KREMEN1: variants seen among roughly 807,000 people sequenced by gnomAD.
KREMEN1 encodes the protein kremen protein 1.
A neutral mutation model predicts 46.5 loss-of-function variants in KREMEN1; 30 were observed. That is an observed-to-expected ratio of 0.65 (90% confidence interval 0.48 to 0.88). KREMEN1 has a LOEUF of 0.88. KREMEN1 is among the 40% of genes least tolerant of loss of function. The pLI, the probability that KREMEN1 is intolerant of heterozygous loss-of-function variation, is 0.00. For synonymous variants in KREMEN1, 214 were observed against 230.6 expected, an observed-to-expected ratio of 0.93 and a Z score of 0.65; for missense variants, 533 against 596.9, an observed-to-expected ratio of 0.89 and a Z score of 1.11.
At chr22:29,138,587 T>C (rs1220351594) in intron 6 of KREMEN1, 37 bp from the exon 7 acceptor site, 1 of 1,590,738 alleles carries the variant, frequency 6.3e-7, no homozygotes, top group Non-Finnish European at 8.6e-7. Flanking sequence ...GTTGTCTCCA[T>C]AGCCCTGTCC....
At chr22:29,126,592 A>G (rs1229005523) in intron 5 of KREMEN1, among the ~76,000 whole-genome samples, 1 of 152,072 alleles carries the variant, frequency 6.6e-6, no homozygotes, top group Non-Finnish European at 1.5e-5. Context: ...CCTCATCTTA[A>G]CTCGGTTACA....
At chr22:29,108,772 A>G (rs1235986266) in intron 3 of KREMEN1, among the ~76,000 whole-genome samples, 1 of 152,180 alleles carries the variant, frequency 6.6e-6, no homozygotes, top group Admixed American at 6.5e-5. Context: ...GAACTCGGTG[A>G]ACACAAGAGG....
chr22:29,159,655 C>T (rs5752873), intron 9 of KREMEN1, among the ~76,000 whole-genome samples: 4 of 4,696 alleles, frequency 8.5e-4, no homozygotes, highest in African/African-American at 1.5e-3. Context: ...AATAAATAAA[C>T]AAACATTCAG....
intron 7 of KREMEN1, 54 bp downstream of exon 7, chr22:29,138,836 A>T: frequency 6.2e-7 from 1 of 1,613,832 alleles, no homozygotes; most frequent in Non-Finnish European, 8.5e-7. Flanking sequence ...AGTTGAAGGT[A>T]GCGCTCTTGA....
intron 9 of KREMEN1, chr22:29,166,901 C>G (rs1317876519): frequency 1.5e-6 from 1 of 673,412 alleles, no homozygotes; most frequent in Non-Finnish European, 2.7e-6. Flanking sequence ...CCACCGCACT[C>G]CAGGCTGGGT....
chr22:29,110,130 G>A (rs1327613036), intron 3 of KREMEN1, among the ~76,000 whole-genome samples: 1 of 152,176 alleles, frequency 6.6e-6, no homozygotes, highest in Non-Finnish European at 1.5e-5. Context: ...AGTTCTCTGG[G>A]TCGACTGAGT....
chr22:29,097,144 T>C (rs2037894669), intron 2 of KREMEN1, among the ~76,000 whole-genome samples: 1 of 152,204 alleles, frequency 6.6e-6, no homozygotes, highest in Admixed American at 6.5e-5. Flanking sequence ...CTGATAGGGG[T>C]TGCTCCCAGC....
At chr22:29,157,686 G>A (rs891667799) in intron 9 of KREMEN1, among the ~76,000 whole-genome samples, 2 of 152,170 alleles carry the variant, frequency 1.3e-5, no homozygotes, top group East Asian at 1.9e-4. Context: ...ATGGCTGCAC[G>A]GAGCTTCCTG....
At chr22:29,150,646 G>A (rs2038907905), downstream of KREMEN1, among the ~76,000 whole-genome samples, 1 of 152,200 alleles carries the variant, frequency 6.6e-6, no homozygotes, top group Admixed American at 6.5e-5. Flanking sequence ...TGGTACCTAA[G>A]ATAGAGATTA....
At chr22:29,128,611 G>A (rs1366669206) in intron 5 of KREMEN1, among the ~76,000 whole-genome samples, 1 of 152,198 alleles carries the variant, frequency 6.6e-6, no homozygotes, top group African/African-American at 2.4e-5. Flanking sequence ...CTAGGAAAGA[G>A]TACTGGCCCT....
intron 3 of KREMEN1, among the ~76,000 whole-genome samples, chr22:29,118,912 C>T (rs1017879111): frequency 2.6e-5 from 4 of 152,138 alleles, no homozygotes; most frequent in Non-Finnish European, 5.9e-5. Context: ...CAAGACTGCC[C>T]CCCACTTCAG....
chr22:29,142,264 A>T lies in KREMEN1; in HGVS notation c.*152A>T, dbSNP rs2038776532. ...AACCCTCCTCCTACAGACTAGGAAG[A>T]GGCACCCTGCTGCCAGGGCAGGCAG... On this transcript the variant is annotated 3_prime_UTR_variant, in exon 9 of 9. Coordinates refer to ENST00000400335, the MANE Select transcript of KREMEN1 (RefSeq NM_001039570.3). 18 of 1,340,244 alleles carry T rather than the reference A, an allele frequency of 1.3e-5. 1 individual carries two copies. The South Asian group carries it at 3.5e-4, about 26-fold the overall frequency. The allele number at this position is 1,340,244 out of a possible 1,614,324, so 83.0% of individuals were successfully genotyped here. A position where few individuals can be genotyped will look rare whatever the true frequency, so the allele number is the denominator to read the frequency against.
chr22:29,117,893 A>G (rs2038268900), intron 3 of KREMEN1, among the ~76,000 whole-genome samples: 1 of 152,176 alleles, frequency 6.6e-6, no homozygotes, highest in Non-Finnish European at 1.5e-5. Context: ...TGCCTAACAA[A>G]TTACCTCAAA....
intron 9 of KREMEN1, among the ~76,000 whole-genome samples, chr22:29,160,819 A>G (rs538093715): frequency 6.6e-6 from 1 of 152,324 alleles, no homozygotes; most frequent in East Asian, 1.9e-4. Flanking sequence ...TAGAGGAACT[A>G]GAAAAACAAG....
In KREMEN1 at chr22:29,140,376, A is replaced by G; in HGVS notation, c.1208+10A>G. On this transcript the variant is annotated intron_variant, in intron 8 of 8. Transcript: ENST00000400335. ...TGCACGTCACATTCAAGTGAGTACA[A>G]GAGGGAGCTGCCCAATTCCAGGAAA... The G allele has an allele frequency of 6.3e-7, 1 of 1,596,786 alleles. No homozygotes were observed. Among genetic ancestry groups the G allele is most frequent in the South Asian group, 1.1e-5 (1 of 90,702 alleles).
rs2038859537 is a variant in KREMEN1, at chr22:29,146,198, T to C, written c.*4086T>C. 3 of 985,810 alleles carry C rather than the reference T, an allele frequency of 3.0e-6. No homozygotes were observed. The highest frequency in any genetic ancestry group is 3.6e-6 in the Non-Finnish European group (3 of 830,014). 61.1% of individuals were successfully genotyped at this position (985,810 alleles called of 1,614,324 possible). A position where few individuals can be genotyped will look rare whatever the true frequency, so the allele number is the denominator to read the frequency against. ...GTTCCTACCTTGGGAGTTTGGATTG[T>C]TTCCTCTGGTGTCTTTGTTTACCTT... is the stretch of plus-strand genomic sequence containing the variant. On this transcript the variant is annotated 3_prime_UTR_variant, in exon 9 of 9. Coordinates refer to ENST00000400335, the MANE Select transcript of KREMEN1 (RefSeq NM_001039570.3).
rs1484143520 is a variant in KREMEN1 at position 29,083,788 on chromosome 22, C to T, written c.98-10470C>T. Among the ~76,000 whole-genome samples the T allele has an allele frequency of 4.0e-5, 6 of 151,766 alleles. No homozygotes were observed. The South Asian group carries it at 8.3e-4, about 21-fold the overall frequency. ...CGGATGTTGCAGTGAGCTGAGATTG[C>T]GCCACCGCACTCCAGCTTGGGCGAC... On this transcript the variant is annotated intron_variant, in intron 1 of 8. Coordinates refer to ENST00000400335, the MANE Select transcript of KREMEN1 (RefSeq NM_001039570.3).
intron 1 of KREMEN1, among the ~76,000 whole-genome samples, chr22:29,080,298 G>A (rs2037633754): frequency 6.6e-6 from 1 of 152,228 alleles, no homozygotes; most frequent in Non-Finnish European, 1.5e-5. Context: ...CATCTGGTGA[G>A]GGCTGTAACT....
In KREMEN1 at chr22:29,125,282, G is replaced by T. The variant is rs201894409; in HGVS notation, c.497G>T (p.Gly166Val). 9.3e-6 allele frequency: 15 copies of T among 1,614,050 alleles called. No individual in the cohort carries two copies. The highest frequency in any genetic ancestry group is 1.1e-5 in the Non-Finnish European group (13 of 1,180,028). ...TGGCAGTTTGCTGGGATGGAGTCAG[G>T]CTATGCTTGCTTCTGTGGAAACAAT... ...QRFKFAGMES[G>V]YACFCGNNPD... The change falls in exon 5 of 9, where the codon GGC becomes GTC. Residue 166 changes from glycine (G) to valine (V), a missense_variant. Transcript: ENST00000400335.
Sources: allele counts gnomAD v4.1 joint callset (sites outside exome capture counted in the v4.1 genomes callset), GRCh38; gene constraint gnomAD v4.1.1; transcripts MANE v1.5; gene names NCBI Gene and HGNC (gene_info 2026-07-23, HGNC 2026-07-21).